SLIT1: variants seen among roughly 807,000 people sequenced by gnomAD.
SLIT1 encodes slit homolog 1 protein.
In SLIT1, 66 loss-of-function variants were observed where a neutral mutation model predicts 186.1. The ratio of observed to expected loss-of-function variants is 0.35; its 90% CI spans 0.29 to 0.44. SLIT1 has a LOEUF of 0.44. SLIT1 is among the 20% of genes least tolerant of loss of function. The pLI, the probability that SLIT1 is intolerant of heterozygous loss-of-function variation, is 1.00. For synonymous variants in SLIT1, 761 were observed against 833.8 expected, an observed-to-expected ratio of 0.91 and a Z score of 1.50; for missense variants, 1,638 against 2,037.4, an observed-to-expected ratio of 0.80 and a Z score of 3.77.
At chr10:97,162,793 A>T (rs1183977529) in intron 3 of SLIT1, among the ~76,000 whole-genome samples, 1 of 152,098 alleles carries the variant, frequency 6.6e-6, no homozygotes, top group Non-Finnish European at 1.5e-5. Flanking sequence ...CGTGAACATG[A>T]TGAGTGCCCA....
intron 4 of SLIT1, among the ~76,000 whole-genome samples, chr10:97,080,549 G>A (rs1275962207): frequency 1.3e-5 from 2 of 152,164 alleles, no homozygotes; most frequent in African/African-American, 4.8e-5. Flanking sequence ...TTTAAGGACA[G>A]TCAGATTGCC....
At chr10:97,058,121 C>T in intron 11 of SLIT1, 1 of 710,020 alleles carries the variant, frequency 1.4e-6, no homozygotes, top group Non-Finnish European at 2.6e-6. Flanking sequence ...ATGGAGGGAA[C>T]AAATGGGACA....
At chr10:97,070,561 T>C (rs538124804) in intron 4 of SLIT1, among the ~76,000 whole-genome samples, 4 of 152,184 alleles carry the variant, frequency 2.6e-5, no homozygotes, top group Admixed American at 6.5e-5. Context: ...GTGATGGTAT[T>C]AGGAGGTGAG....
intron 4 of SLIT1, among the ~76,000 whole-genome samples, chr10:97,123,449 C>T (rs180860649): frequency 1.6e-4 from 25 of 152,244 alleles, no homozygotes; most frequent in Admixed American, 1.4e-3. Flanking sequence ...ATGTCTGAAC[C>T]GTCCTCAAAC....
At chr10:97,061,948 A>T (rs1236207041) in intron 8 of SLIT1, among the ~76,000 whole-genome samples, 1 of 152,220 alleles carries the variant, frequency 6.6e-6, no homozygotes, top group Non-Finnish European at 1.5e-5. Context: ...ACAAAGCTAC[A>T]TGGATTCCTG....
Position 97,157,904 on chromosome 10 carries a change from A to C in SLIT1, c.342-15T>G. The C allele has an allele frequency of 1.2e-6, 2 of 1,600,962 alleles. No individual in the cohort carries two copies. Among genetic ancestry groups the C allele is most frequent in the Non-Finnish European group, 1.7e-6 (2 of 1,168,088 alleles). ...GGTTCAGTCGCCTATAAAAGAGAAG[A>C]AGAATTGGAAATCACCTAGACAGCC... On this transcript the variant is annotated splice_polypyrimidine_tract_variant and intron_variant, in intron 3 of 36. Transcript: ENST00000266058.
At chr10:97,169,555 G>A (rs1466522883) in intron 1 of SLIT1, among the ~76,000 whole-genome samples, 1 of 152,208 alleles carries the variant, frequency 6.6e-6, no homozygotes, top group Non-Finnish European at 1.5e-5. Flanking sequence ...AAGCTGCCAG[G>A]GGAGACTGGA....
At chr10:97,059,258 G>C (rs907570755) in intron 11 of SLIT1, among the ~76,000 whole-genome samples, 2 of 152,244 alleles carry the variant, frequency 1.3e-5, no homozygotes, top group African/African-American at 4.8e-5. Flanking sequence ...AGCGTCGGAG[G>C]GTCCACCAGT....
At chr10:97,086,416 A>G (rs549546137) in intron 4 of SLIT1, among the ~76,000 whole-genome samples, 2 of 152,212 alleles carry the variant, frequency 1.3e-5, no homozygotes, top group Admixed American at 1.3e-4. Flanking sequence ...CTAAAAAAAA[A>G]AAAATACAAA....
intron 18 of SLIT1, among the ~76,000 whole-genome samples, chr10:97,045,368 G>C (rs1322305501): frequency 6.6e-6 from 1 of 152,148 alleles, no homozygotes; most frequent in Non-Finnish European, 1.5e-5. Flanking sequence ...GGAAAAAGCA[G>C]GTTACTAAAT....
At position 97,014,021 on chromosome 10, in the gene SLIT1, T is replaced by G. The variant is rs894264708; in HGVS notation, c.3107A>C (p.Glu1036Ala). The part of the protein sequence containing the change: ...NYTCQCPLQY[E>A]GKACEQLVDL... ...CACTGCTGCCCTGACGCACTTACCCTCATACTGCAGGGGGCACTGGCAGGT... is the reference window on the plus strand; with the variant it reads ...CACTGCTGCCCTGACGCACTTACCCGCATACTGCAGGGGGCACTGGCAGGT... Residue 1036 changes from glutamate to alanine, a missense_variant and splice_region_variant, in exon 29 of 37, where the codon GAG (glutamate) becomes GCG (alanine). Physicochemically the swap from Glu to Ala is moderately radical, Grantham distance 107. Transcript: ENST00000266058. 1.2e-6 allele frequency: 2 copies of G among 1,613,342 alleles called. No individual in the cohort carries two copies. Among genetic ancestry groups the G allele is most frequent in the Non-Finnish European group, 1.7e-6 (2 of 1,179,960 alleles).
chr10:97,168,191 G>A (rs1850144354), intron 1 of SLIT1, among the ~76,000 whole-genome samples: 1 of 151,914 alleles, frequency 6.6e-6, no homozygotes, highest in Non-Finnish European at 1.5e-5. Context: ...CATCTATGTT[G>A]TTATAAACCA....
In SLIT1 at chr10:97,176,500, C is replaced by G. The variant is rs1182845318; in HGVS notation, c.197+8978G>C. ...CAGGCAACTCTCTCCTGAGCCTGCT[C>G]CCCCTCAGAGCTCCCATGCCTGTCC... On this transcript the variant is annotated intron_variant, in intron 1 of 36. Transcript: ENST00000266058. 2.6e-5 allele frequency among the ~76,000 whole-genome samples: 4 copies of G among 152,130 alleles called. No homozygotes were observed. The East Asian group carries it at 7.7e-4, about 29-fold the overall frequency.
rs376457931 is a variant in SLIT1, at chr10:97,051,655, C to T, written c.1302-2537G>A. Reference sequence around the variant, plus strand: ...TGAAACCCCGTCTCTACTAAAAATACAAAAAGAATTAGCCGGGCATGGTGG... The same window carrying T: ...TGAAACCCCGTCTCTACTAAAAATATAAAAAGAATTAGCCGGGCATGGTGG... On this transcript the variant is annotated intron_variant, in intron 13 of 36. Coordinates refer to ENST00000266058, the MANE Select transcript of SLIT1 (RefSeq NM_003061.3). Among the ~76,000 whole-genome samples, 168 of 152,052 alleles carry T rather than the reference C, an allele frequency of 1.1e-3. 2 individuals are homozygous for T. Among genetic ancestry groups the T allele is most frequent in the African/African-American group, 4.0e-3 (166 of 41,462 alleles).
chr10:97,012,502 G>A (rs1057146973), intron 30 of SLIT1, among the ~76,000 whole-genome samples: 1 of 152,234 alleles, frequency 6.6e-6, no homozygotes, highest in East Asian at 1.9e-4. Flanking sequence ...CGGGTCCGGA[G>A]CTAAGCACAA....
intron 11 of SLIT1, among the ~76,000 whole-genome samples, chr10:97,058,983 A>G (rs1848866436): frequency 1.3e-5 from 2 of 152,226 alleles, no homozygotes. Context: ...ACACTGTCCT[A>G]GCAGCACCCA....
intron 4 of SLIT1, among the ~76,000 whole-genome samples, chr10:97,089,120 T>C (rs1460012884): frequency 6.6e-6 from 1 of 151,944 alleles, no homozygotes; most frequent in Non-Finnish European, 1.5e-5. Context: ...CAGTGCAGCA[T>C]CTGGGGGAAA....
chr10:97,111,452 A>C (rs2636779), intron 4 of SLIT1, among the ~76,000 whole-genome samples: 94,695 of 151,720 alleles, frequency 0.62, 30,401 homozygotes, highest in Admixed American at 0.7. Context: ...GTGGAAACTA[A>C]AGCTCTGATA....
chr10:97,013,402 G>A (rs72819878), intron 30 of SLIT1, among the ~76,000 whole-genome samples: 13,949 of 152,094 alleles, frequency 0.092, 814 homozygotes, highest in South Asian at 0.18. Context: ...ATGCCAGACC[G>A]GGAGCTAAGT....
Sources: allele counts gnomAD v4.1 joint callset (sites outside exome capture counted in the v4.1 genomes callset), GRCh38; gene constraint gnomAD v4.1.1; transcripts MANE v1.5; gene names NCBI Gene and HGNC (gene_info 2026-07-23, HGNC 2026-07-21).